Variants in ANO4 observed in about 807,000 individuals in gnomAD.
The protein encoded by ANO4 is anoctamin-4.
Under a neutral mutation model 141.9 loss-of-function variants are expected in ANO4, and 69 were observed. That is an observed-to-expected ratio of 0.49 (90% CI 0.40 to 0.59). The LOEUF (loss-of-function observed/expected upper bound fraction) is 0.59. ANO4 is among the 20% of genes least tolerant of loss of function. The probability of loss-of-function intolerance (pLI) is 0.00; values close to 1 mark genes in which losing one functional copy is unlikely to be tolerated. For missense variants in ANO4, 894 were observed against 1,162.2 expected (o/e 0.77, Z 3.36); for synonymous variants, 350 against 394.3 (o/e 0.89, Z 1.33).
intron 8 of ANO4, among the ~76,000 whole-genome samples, chr12:100,989,124 T>C (rs1317191275): frequency 6.6e-6 from 1 of 152,044 alleles, no homozygotes; most frequent in Non-Finnish European, 1.5e-5. Flanking sequence ...GCCGAGCTGA[T>C]CCCCACAGGT....
At chr12:100,717,340 G>T (rs1439159235), upstream of ANO4, among the ~76,000 whole-genome samples, 1 of 151,274 alleles carries the variant, frequency 6.6e-6, no homozygotes, top group Admixed American at 6.6e-5. Context: ...CCGGCCGGGG[G>T]CCCCCGCGCG....
intron 3 of ANO4, among the ~76,000 whole-genome samples, chr12:100,752,708 G>A (rs944042088): frequency 2.6e-5 from 4 of 152,152 alleles, no homozygotes; most frequent in African/African-American, 9.7e-5. Context: ...ATGGCAATGA[G>A]ACTGTCTCCC....
chr12:101,062,253 G>A (rs907182326), intron 14 of ANO4, among the ~76,000 whole-genome samples: 1 of 152,170 alleles, frequency 6.6e-6, no homozygotes, highest in African/African-American at 2.4e-5. Context: ...TTTTCCTCTG[G>A]AAGCTTGAGC....
chr12:100,827,433 A>T (rs897152784), intron 1 of ANO4, among the ~76,000 whole-genome samples: 2 of 151,984 alleles, frequency 1.3e-5, no homozygotes, highest in Non-Finnish European at 2.9e-5. Flanking sequence ...ATACCCCCCC[A>T]TAACAGCTTA....
intron 14 of ANO4, among the ~76,000 whole-genome samples, chr12:101,070,483 C>T (rs2048766867): frequency 6.6e-6 from 1 of 152,056 alleles, no homozygotes; most frequent in Non-Finnish European, 1.5e-5. Context: ...AGAAACTAGA[C>T]CCTTATCTTT....
At chr12:100,892,344 A>G (rs1010459508) in intron 1 of ANO4, among the ~76,000 whole-genome samples, 1 of 152,276 alleles carries the variant, frequency 6.6e-6, no homozygotes, top group South Asian at 2.1e-4. Context: ...TTCACTGTAG[A>G]TGGGCTAGTA....
intron 2 of ANO4, among the ~76,000 whole-genome samples, chr12:100,735,274 G>C (rs1382316894): frequency 1.3e-5 from 2 of 152,110 alleles, no homozygotes; most frequent in African/African-American, 2.4e-5. Flanking sequence ...GGCAGGACTT[G>C]GTTCAGAATA....
chr12:100,753,255 C>T (rs1362794549), intron 3 of ANO4, among the ~76,000 whole-genome samples: 4 of 152,178 alleles, frequency 2.6e-5, no homozygotes, highest in Non-Finnish European at 5.9e-5. Flanking sequence ...AACAACACTG[C>T]TAAGCCACAT....
chr12:100,914,397 G>A (rs563771181), intron 2 of ANO4, among the ~76,000 whole-genome samples: 3 of 152,312 alleles, frequency 2.0e-5, no homozygotes, highest in African/African-American at 7.2e-5. Context: ...AATAGCTTTA[G>A]CCTTATAGTG....
intron 5 of ANO4, among the ~76,000 whole-genome samples, chr12:100,962,353 C>G (rs2043461715): frequency 6.6e-6 from 1 of 152,166 alleles, no homozygotes; most frequent in African/African-American, 2.4e-5. Context: ...TACAGTCTCA[C>G]AAAGACAGCA....
intron 1 of ANO4, among the ~76,000 whole-genome samples, chr12:100,814,425 C>G (rs545733720): frequency 6.6e-6 from 1 of 152,186 alleles, no homozygotes; most frequent in Admixed American, 6.5e-5. Context: ...GTTCATATGA[C>G]AACATGCGTA....
intron 9 of ANO4, among the ~76,000 whole-genome samples, chr12:101,034,668 T>G (rs1414509530): frequency 6.6e-6 from 1 of 152,040 alleles, no homozygotes; most frequent in Non-Finnish European, 1.5e-5. Context: ...TCAAAAAATA[T>G]GGCTAGTAAA....
chr12:100,947,933 C>G (rs1474781999), intron 5 of ANO4, among the ~76,000 whole-genome samples: 2 of 152,000 alleles, frequency 1.3e-5, no homozygotes, highest in Non-Finnish European at 2.9e-5. Flanking sequence ...CCTATAATCC[C>G]AGCACTTTGG....
chr12:100,853,422 ATT>A (rs1162964408), intron 1 of ANO4, among the ~76,000 whole-genome samples: 1 of 152,128 alleles, frequency 6.6e-6, no homozygotes, highest in African/African-American at 2.4e-5. Flanking sequence ...TTACCTTCAT[ATT>A]TATTAAAAAG....
At chr12:101,065,548 A>G (rs2048545241) in intron 14 of ANO4, among the ~76,000 whole-genome samples, 1 of 152,212 alleles carries the variant, frequency 6.6e-6, no homozygotes, top group Non-Finnish European at 1.5e-5. Flanking sequence ...ACAACTTACC[A>G]AGATTGAACC....
chr12:100,957,597 A>T (rs1054517206), intron 5 of ANO4, among the ~76,000 whole-genome samples: 2 of 152,094 alleles, frequency 1.3e-5, no homozygotes, highest in African/African-American at 2.4e-5. Context: ...TTAATTTATT[A>T]TTTTTATTTC....
chr12:100,984,295 C>G (rs2044614414), intron 7 of ANO4, among the ~76,000 whole-genome samples: 1 of 152,144 alleles, frequency 6.6e-6, no homozygotes, highest in African/African-American at 2.4e-5. Context: ...TGGGGTTTCA[C>G]TATGTTGGCC....
At chr12:100,879,144 T>C (rs2039449482) in intron 1 of ANO4, among the ~76,000 whole-genome samples, 1 of 152,204 alleles carries the variant, frequency 6.6e-6, no homozygotes, top group South Asian at 2.1e-4. Context: ...TTGAATTTAT[T>C]ACCATGAATC....
At chr12:100,743,279 A>G (rs2031955956) in intron 3 of ANO4, among the ~76,000 whole-genome samples, 1 of 150,532 alleles carries the variant, frequency 6.6e-6, no homozygotes, top group African/African-American at 2.4e-5. Flanking sequence ...TTTAAAATAT[A>G]TATCTAAAAT....
Sources: gnomAD v4.1 joint callset for allele counts (sites outside exome capture counted in the v4.1 genomes callset) on GRCh38, gnomAD v4.1.1 for gene constraint, MANE v1.5 for transcripts, NCBI Gene and HGNC (gene_info 2026-07-23, HGNC 2026-07-21) for gene names.